Variants in MINDY3 observed in about 807,000 individuals in gnomAD.
The protein encoded by MINDY3 is ubiquitin carboxyl-terminal hydrolase MINDY-3.
A neutral mutation model predicts 69.2 loss-of-function variants in MINDY3; 38 were observed. The observed-to-expected ratio is 0.55, with a 90% CI of 0.42 to 0.72. The LOEUF (loss-of-function observed/expected upper bound fraction) is 0.72. MINDY3 is among the 30% of genes least tolerant of loss of function. MINDY3 has a pLI of 0.00. For synonymous variants in MINDY3, 192 were observed against 180.1 expected (o/e 1.07, Z -0.53); for missense variants, 522 against 519.0 (o/e 1.01, Z -0.06).
chr10:15,843,222 C>A lies in MINDY3; in HGVS notation c.225G>T (p.Arg75=). Residue 75 remains arginine, a synonymous_variant, in exon 3 of 15, where the codon CGG becomes CGT. Transcript: ENST00000277632. ...LLFSSEKSSW[R]DCSEEEQKEL... Reference sequence around the variant, plus strand: ...AGACAGCTATCATACCTGAACAATCCCGCCAAGAAGACTTCTCCGAAGAAA... The same window carrying A: ...AGACAGCTATCATACCTGAACAATCACGCCAAGAAGACTTCTCCGAAGAAA... The A allele has an allele frequency of 6.2e-7, 1 of 1,612,692 alleles. No homozygotes were observed. The highest frequency in any genetic ancestry group is 8.5e-7 in the Non-Finnish European group (1 of 1,178,864).
chr10:15,856,489 G>A (rs565283400), intron 1 of MINDY3, among the ~76,000 whole-genome samples: 12 of 151,770 alleles, frequency 7.9e-5, no homozygotes, highest in African/African-American at 2.9e-4. Context: ...GTCTTTAGGA[G>A]AAACAATAAA....
chr10:15,788,089 T>A (rs950092938), intron 12 of MINDY3, among the ~76,000 whole-genome samples: 5 of 152,092 alleles, frequency 3.3e-5, no homozygotes, highest in African/African-American at 1.2e-4. Context: ...AAAAAAACTT[T>A]CTTCTTTCTC....
intron 8 of MINDY3, among the ~76,000 whole-genome samples, chr10:15,831,625 C>G (rs114368891): frequency 6.6e-6 from 1 of 151,108 alleles, no homozygotes; most frequent in Non-Finnish European, 1.5e-5. Context: ...ATATTCTGTA[C>G]AGGAAGTAAC....
At chr10:15,785,727 T>C (rs1223068043) in intron 13 of MINDY3, among the ~76,000 whole-genome samples, 1 of 151,956 alleles carries the variant, frequency 6.6e-6, no homozygotes, top group Non-Finnish European at 1.5e-5. Flanking sequence ...CAATTTTATC[T>C]TGAGTTTAAC....
At chr10:15,853,419 G>A (rs1469139335) in intron 1 of MINDY3, among the ~76,000 whole-genome samples, 1 of 152,068 alleles carries the variant, frequency 6.6e-6, no homozygotes, top group Non-Finnish European at 1.5e-5. Flanking sequence ...AAGCTATGGT[G>A]TAATACATTG....
Position 15,854,941 on chromosome 10 carries a change from T to C in MINDY3, c.94+5265A>G, listed in dbSNP as rs191599506. On this transcript the variant is annotated intron_variant, in intron 1 of 14. Coordinates refer to ENST00000277632, the MANE Select transcript of MINDY3 (RefSeq NM_024948.4). ...ATCTTCACTGTTTGGCCAGCTCTTC[T>C]ACTGAGAATAAGGAAAGGGACCCTA... 6.6e-5 allele frequency among the ~76,000 whole-genome samples: 10 copies of C among 152,262 alleles called. No homozygotes were observed. In the East Asian group the frequency reaches 9.7e-4, roughly 15 times the overall value.
In MINDY3 at chr10:15,813,428, T is replaced by A. The variant is rs191927160; in HGVS notation, c.882+3407A>T. Among the ~76,000 whole-genome samples the A allele has an allele frequency of 4.5e-3, 688 of 152,330 alleles. 6 individuals are homozygous for A. The highest frequency in any genetic ancestry group is 0.016 in the African/African-American group (661 of 41,572). ...GTTCTCATTTTAGGCATCAATTTTT[T>A]AAGTAAACATCCCAATTTTCCAAAA... On this transcript the variant is annotated intron_variant, in intron 10 of 14. Transcript: ENST00000277632.
intron 1 of MINDY3, among the ~76,000 whole-genome samples, chr10:15,850,283 G>A (rs1027935820): frequency 1.2e-4 from 18 of 152,282 alleles, no homozygotes; most frequent in Non-Finnish European, 1.6e-4. Flanking sequence ...GAGCATGTGT[G>A]TTTGAACAAT....
intron 4 of MINDY3, among the ~76,000 whole-genome samples, chr10:15,839,632 G>A (rs1833322838): frequency 6.6e-6 from 1 of 151,362 alleles, no homozygotes; most frequent in African/African-American, 2.4e-5. Context: ...CAGGGATGGT[G>A]AAAAAATATA....
At chr10:15,808,877 G>A (rs1437726037) in intron 10 of MINDY3, among the ~76,000 whole-genome samples, 1 of 152,098 alleles carries the variant, frequency 6.6e-6, no homozygotes, top group Non-Finnish European at 1.5e-5. Flanking sequence ...TTCTGAAGAT[G>A]AAACTAGATG....
intron 10 of MINDY3, among the ~76,000 whole-genome samples, chr10:15,798,711 C>A (rs554541622): frequency 2.2e-4 from 34 of 151,954 alleles, no homozygotes; most frequent in Non-Finnish European, 3.1e-4. Context: ...ACCTGTGAGG[C>A]GGAGGTTGCA....
At chr10:15,792,314 T>A (rs1837481764) in intron 11 of MINDY3, among the ~76,000 whole-genome samples, 1 of 152,086 alleles carries the variant, frequency 6.6e-6, no homozygotes. Flanking sequence ...CCTAGCACAG[T>A]GGTTGACTCA....
intron 4 of MINDY3, among the ~76,000 whole-genome samples, chr10:15,840,366 T>C (rs990548525): frequency 1.5e-4 from 23 of 151,606 alleles, no homozygotes; most frequent in African/African-American, 5.6e-4. Context: ...GGAAGCATCA[T>C]ATAGCTGTTC....
At chr10:15,814,741 G>C (rs951780888) in intron 10 of MINDY3, among the ~76,000 whole-genome samples, 1 of 152,136 alleles carries the variant, frequency 6.6e-6, no homozygotes, top group South Asian at 2.1e-4. Flanking sequence ...ACTGTGTGCT[G>C]TTTGACACAT....
At chr10:15,793,818 AG>A (rs1240739562) in intron 11 of MINDY3, among the ~76,000 whole-genome samples, 1 of 152,092 alleles carries the variant, frequency 6.6e-6, no homozygotes, top group Non-Finnish European at 1.5e-5. Flanking sequence ...AAAGTGCTTC[AG>A]AAATCGTAAC....
At chr10:15,822,452 G>A (rs1839832490) in intron 8 of MINDY3, among the ~76,000 whole-genome samples, 1 of 152,168 alleles carries the variant, frequency 6.6e-6, no homozygotes, top group Non-Finnish European at 1.5e-5. Context: ...AGGCCAAAAA[G>A]AGGATGACAA....
At chr10:15,798,516 G>A (rs556353102) in intron 10 of MINDY3, among the ~76,000 whole-genome samples, 7 of 148,880 alleles carry the variant, frequency 4.7e-5, no homozygotes, top group Admixed American at 4.1e-4. Context: ...GGTGTGTCAC[G>A]CCTGTAATCC....
At chr10:15,848,449 A>G (rs938868122) in intron 1 of MINDY3, among the ~76,000 whole-genome samples, 3 of 152,044 alleles carry the variant, frequency 2.0e-5, no homozygotes, top group Admixed American at 6.5e-5. Context: ...CCTGGCTAAC[A>G]TGATGAAACC....
intron 9 of MINDY3, among the ~76,000 whole-genome samples, chr10:15,819,328 G>A (rs1839595786): frequency 6.6e-6 from 1 of 152,154 alleles, no homozygotes; most frequent in Admixed American, 6.5e-5. Context: ...AGAGAGAGAT[G>A]AACACTGTAG....
Sources: gnomAD v4.1 joint callset for allele counts (sites outside exome capture counted in the v4.1 genomes callset) on GRCh38, gnomAD v4.1.1 for gene constraint, MANE v1.5 for transcripts, NCBI Gene and HGNC (gene_info 2026-07-23, HGNC 2026-07-21) for gene names.